The following SLC9C1 variants were observed in gnomAD, a reference collection of about 807,000 sequenced individuals.
SLC9C1 encodes the protein sodium/hydrogen exchanger 10.
SLC9C1 carries 97 observed loss-of-function variants against 140.9 expected under a neutral mutation model. The observed-to-expected ratio is 0.69, with a 90% CI of 0.58 to 0.82. SLC9C1 has a LOEUF of 0.82. Among genes scored for constraint, SLC9C1 ranks in the 40% least tolerant of loss-of-function variants. SLC9C1 has a pLI of 0.00. For missense variants in SLC9C1, 1,340 were observed against 1,389.3 expected (o/e 0.96, Z 0.56); for synonymous variants, 440 against 442.6 (o/e 0.99, Z 0.07).
chr3:112,148,608 G>A (rs966555402), intron 28 of SLC9C1, among the ~76,000 whole-genome samples: 1 of 152,160 alleles, frequency 6.6e-6, no homozygotes, highest in Non-Finnish European at 1.5e-5. Flanking sequence ...CATCGTACAA[G>A]CCTGTAGATG....
At position 112,264,580 on chromosome 3, in the gene SLC9C1, A is replaced by T. The variant is rs548754825; in HGVS notation, c.879-237T>A. ...TGAGATGGGTGAAGGTCAGTAAAAG[A>T]TCATAGAATCAATAAATTTTAGTCT... On this transcript the variant is annotated intron_variant, in intron 8 of 28. Coordinates refer to ENST00000305815, the MANE Select transcript of SLC9C1 (RefSeq NM_183061.3). Among the ~76,000 whole-genome samples the T allele has an allele frequency of 9.2e-5, 14 of 152,100 alleles. No individual in the cohort carries two copies. The South Asian group carries it at 2.3e-3, about 25-fold the overall frequency.
chr3:112,163,984 A>G (rs564078410), intron 26 of SLC9C1, among the ~76,000 whole-genome samples: 1 of 152,292 alleles, frequency 6.6e-6, no homozygotes, highest in East Asian at 1.9e-4. Flanking sequence ...TATTTAGGAT[A>G]GTTAGCTCTT....
At chr3:112,202,138 A>C in intron 18 of SLC9C1, 112 bp downstream of exon 18, 1 of 1,200,028 alleles carries the variant, frequency 8.3e-7, no homozygotes, top group Non-Finnish European at 1.2e-6. Context: ...TAAAGAAATG[A>C]ATTAGAAAAC....
intron 20 of SLC9C1, among the ~76,000 whole-genome samples, chr3:112,198,136 A>G (rs1437385284): frequency 6.6e-6 from 1 of 152,010 alleles, no homozygotes; most frequent in Non-Finnish European, 1.5e-5. Flanking sequence ...ACATGTATTC[A>G]GTTGGAATTT....
chr3:112,215,044 T>G (rs4327358), intron 15 of SLC9C1, among the ~76,000 whole-genome samples: 148,944 of 152,292 alleles, frequency 0.98, 72,930 homozygotes, highest in East Asian at 1. Context: ...GGGATGCAAG[T>G]CTGGTTCAAC....
chr3:112,269,425 T>C (rs1248714818), intron 7 of SLC9C1, among the ~76,000 whole-genome samples: 2 of 152,236 alleles, frequency 1.3e-5, no homozygotes, highest in African/African-American at 4.8e-5. Context: ...CCTCTTTTTG[T>C]AGTCCATATT....
intron 16 of SLC9C1, among the ~76,000 whole-genome samples, chr3:112,207,598 A>T (rs1364033204): frequency 6.6e-6 from 1 of 152,156 alleles, no homozygotes; most frequent in African/African-American, 2.4e-5. Flanking sequence ...CATTGGAAGT[A>T]GTGTTCCTTA....
At position 112,276,399 on chromosome 3, in the gene SLC9C1, C is replaced by T. The variant is rs1055455738; in HGVS notation, c.484+1296G>A. 2.7e-5 allele frequency among the ~76,000 whole-genome samples: 4 copies of T among 150,656 alleles called. No individual in the cohort carries two copies. In the Admixed American group the frequency reaches 2.7e-4, roughly 10 times the overall value. On this transcript the variant is annotated intron_variant, in intron 5 of 28. Transcript: ENST00000305815. ...ATATATGAAAAAATATATATATATGCATATACACACGTACACACACATACA... is the reference window on the plus strand; with the variant it reads ...ATATATGAAAAAATATATATATATGTATATACACACGTACACACACATACA...
In SLC9C1 at chr3:112,221,152, T is replaced by C. The variant is rs748402130; in HGVS notation, c.1646A>G (p.Glu549Gly). Residue 549 changes from glutamate (E) to glycine (G), a missense_variant, in exon 14 of 29, where the codon GAA (glutamate) becomes GGA (glycine). Coordinates refer to ENST00000305815, the MANE Select transcript of SLC9C1 (RefSeq NM_183061.3). ...SAVQVLVGAA[E>G]SFGEKKGKCM... ...CTTTCCCTTCTTCTCACCAAAACTTTCTGCTGCACCAACCAACACCTGGAC... is the reference window on the plus strand; with the variant it reads ...CTTTCCCTTCTTCTCACCAAAACTTCCTGCTGCACCAACCAACACCTGGAC... 6.2e-7 allele frequency: 1 copy of C among 1,613,614 alleles called. No homozygotes were observed. The highest frequency in any genetic ancestry group is 8.5e-7 in the Non-Finnish European group (1 of 1,179,690).
chr3:112,190,466 T>A (rs1417652048), intron 20 of SLC9C1, among the ~76,000 whole-genome samples: 2 of 152,008 alleles, frequency 1.3e-5, no homozygotes, highest in African/African-American at 2.4e-5. Flanking sequence ...TTTTCTAAAT[T>A]GCCCTCCAGA....
At chr3:112,166,328 G>C (rs1376874225) in intron 26 of SLC9C1, among the ~76,000 whole-genome samples, 2 of 152,186 alleles carry the variant, frequency 1.3e-5, no homozygotes, top group Non-Finnish European at 2.9e-5. Context: ...TACCTCAGTT[G>C]GAAATGCAGA....
intron 26 of SLC9C1, among the ~76,000 whole-genome samples, chr3:112,162,163 A>T (rs1280130411): frequency 6.6e-6 from 1 of 152,104 alleles, no homozygotes; most frequent in African/African-American, 2.4e-5. Flanking sequence ...GCTTAAGGAG[A>T]TTTTGGGCTG....
intron 23 of SLC9C1, among the ~76,000 whole-genome samples, chr3:112,171,043 G>A (rs865892154): frequency 2.6e-5 from 4 of 151,948 alleles, no homozygotes; most frequent in Non-Finnish European, 4.4e-5. Context: ...GCGAAATGCC[G>A]TCTCTACTAA....
chr3:112,208,036 C>T (rs1409657323), intron 16 of SLC9C1, 142 bp downstream of exon 16: 5 of 582,524 alleles, frequency 8.6e-6, no homozygotes, highest in Non-Finnish European at 1.4e-5. Flanking sequence ...AAATCACCTT[C>T]AAAAATTAAA....
chr3:112,245,575 T>C (rs2079260477), intron 10 of SLC9C1, among the ~76,000 whole-genome samples: 1 of 152,114 alleles, frequency 6.6e-6, no homozygotes, highest in Non-Finnish European at 1.5e-5. Context: ...TTATACTCCA[T>C]CTTTTTTTAT....
At chr3:112,259,834 C>G (rs919075496) in intron 10 of SLC9C1, among the ~76,000 whole-genome samples, 1 of 152,080 alleles carries the variant, frequency 6.6e-6, no homozygotes, top group African/African-American at 2.4e-5. Flanking sequence ...AAAGGGAAAA[C>G]AGTCTTTCAC....
intron 12 of SLC9C1, among the ~76,000 whole-genome samples, chr3:112,237,061 G>A (rs538815035): frequency 1.2e-4 from 18 of 152,230 alleles, no homozygotes; most frequent in African/African-American, 4.1e-4. Context: ...TGTTGACAGT[G>A]GGGTGTTAAT....
chr3:112,277,692 T>A lies in SLC9C1; in HGVS notation c.484+3A>T, dbSNP rs746407527. ...ATATAGAAAAAGAGAACAATATACC[T>A]ACCAAGGTCTCTTATAGCAGCTGCG... is the stretch of plus-strand genomic sequence containing the variant. On this transcript the variant is annotated splice_donor_region_variant and intron_variant, in intron 5 of 28. Coordinates refer to ENST00000305815, the MANE Select transcript of SLC9C1 (RefSeq NM_183061.3). 55 of 1,555,366 alleles carry A rather than the reference T, an allele frequency of 3.5e-5. No individual in the cohort carries two copies. The highest frequency in any genetic ancestry group is 4.2e-5 in the Non-Finnish European group (49 of 1,156,684).
intron 1 of SLC9C1, among the ~76,000 whole-genome samples, chr3:112,292,945 T>C (rs1414826959): frequency 6.6e-6 from 1 of 151,778 alleles, no homozygotes; most frequent in African/African-American, 2.4e-5. Context: ...AATATTGGTT[T>C]ATCACATAGG....
Sources: allele counts gnomAD v4.1 joint callset (sites outside exome capture counted in the v4.1 genomes callset), GRCh38; gene constraint gnomAD v4.1.1; transcripts MANE v1.5; gene names NCBI Gene and HGNC (gene_info 2026-07-23, HGNC 2026-07-21).